The following ITGB5 variants were observed in gnomAD, a reference collection of about 807,000 sequenced individuals.
The protein encoded by ITGB5 is integrin beta-5.
In ITGB5, 38 loss-of-function variants were observed where a neutral mutation model predicts 84.8. That is an observed-to-expected ratio of 0.45 (90% CI 0.35 to 0.59). The LOEUF is 0.59. Among genes scored for constraint, ITGB5 ranks in the 20% least tolerant of loss-of-function variants. The probability of loss-of-function intolerance (pLI) is 0.01; values close to 1 mark genes in which losing one functional copy is unlikely to be tolerated. For synonymous variants in ITGB5, 393 were observed against 414.4 expected (o/e 0.95, Z 0.63); for missense variants, 905 against 1,034.5 (o/e 0.87, Z 1.72).
intron 3 of ITGB5, among the ~76,000 whole-genome samples, chr3:124,855,174 G>A (rs1484688631): frequency 6.6e-6 from 1 of 152,066 alleles, no homozygotes; most frequent in Non-Finnish European, 1.5e-5. Flanking sequence ...TTAGCCAGGT[G>A]TGGTGGTGTG....
chr3:124,789,157 C>T (rs1025445459), intron 10 of ITGB5, among the ~76,000 whole-genome samples: 9 of 152,338 alleles, frequency 5.9e-5, no homozygotes, highest in Middle Eastern at 3.4e-3. Context: ...AACCTGAGCC[C>T]CAAGGACGGC....
intron 2 of ITGB5, among the ~76,000 whole-genome samples, chr3:124,860,101 T>A (rs939158204): frequency 1.3e-5 from 2 of 152,196 alleles, no homozygotes; most frequent in African/African-American, 4.8e-5. Flanking sequence ...ACAGGTCATA[T>A]CCACTGACCC....
chr3:124,794,330 G>A (rs1282890217), intron 10 of ITGB5, among the ~76,000 whole-genome samples: 1 of 152,164 alleles, frequency 6.6e-6, no homozygotes, highest in Non-Finnish European at 1.5e-5. Flanking sequence ...AAACTCCTGT[G>A]TTTAGATTCA....
intron 2 of ITGB5, among the ~76,000 whole-genome samples, chr3:124,871,403 C>T (rs989860297): frequency 1.3e-5 from 2 of 152,136 alleles, no homozygotes; most frequent in Admixed American, 1.3e-4. Flanking sequence ...ACCATATTGG[C>T]CAGGCTGGTC....
At chr3:124,899,104 A>G (rs1014852103) in intron 1 of ITGB5, among the ~76,000 whole-genome samples, 1 of 144,248 alleles carries the variant, frequency 6.9e-6, no homozygotes, top group South Asian at 2.3e-4. Flanking sequence ...AAAAAAGAAA[A>G]GAAGAAAAAA....
At chr3:124,841,305 T>C in intron 5 of ITGB5, 78 bp downstream of exon 5, 7 of 1,421,598 alleles carry the variant, frequency 4.9e-6, no homozygotes, top group Non-Finnish European at 4.8e-6. Context: ...CAAAGACTCC[T>C]GCAGGAAGTA....
chr3:124,828,105 C>T (rs765363301), intron 5 of ITGB5, among the ~76,000 whole-genome samples: 3 of 151,988 alleles, frequency 2.0e-5, no homozygotes, highest in Non-Finnish European at 4.4e-5. Context: ...TTCACAGGGA[C>T]GTGCGTGAAA....
intron 2 of ITGB5, among the ~76,000 whole-genome samples, chr3:124,861,495 T>TATACACACACACACACAC (rs750712591): frequency 3.4e-4 from 38 of 112,004 alleles, no homozygotes; most frequent in African/African-American, 1.4e-3. Context: ...TATATATATA[T>TATACACACACACACACAC]ACACACACAC....
intron 1 of ITGB5, among the ~76,000 whole-genome samples, chr3:124,900,887 T>A (rs1935203314): frequency 6.6e-6 from 1 of 152,230 alleles, no homozygotes; most frequent in South Asian, 2.1e-4. Flanking sequence ...TTATGCACCA[T>A]TAATATGACA....
At chr3:124,806,641 GT>G (rs1408164958) in intron 9 of ITGB5, among the ~76,000 whole-genome samples, 1 of 151,652 alleles carries the variant, frequency 6.6e-6, no homozygotes, top group Non-Finnish European at 1.5e-5. Context: ...GTTTCACCGT[GT>G]TAGCCAGGAT....
At chr3:124,807,148 G>A (rs918871769) in intron 9 of ITGB5, among the ~76,000 whole-genome samples, 6 of 152,198 alleles carry the variant, frequency 3.9e-5, no homozygotes, top group Non-Finnish European at 8.8e-5. Flanking sequence ...AGGCATGGTG[G>A]CTCACACCTA....
At chr3:124,795,620 G>A (rs1461962512) in intron 10 of ITGB5, among the ~76,000 whole-genome samples, 1 of 152,186 alleles carries the variant, frequency 6.6e-6, no homozygotes, top group Non-Finnish European at 1.5e-5. Flanking sequence ...AGTAAGCTGA[G>A]GACCTGGGGA....
rs67873873 is a variant in ITGB5 at position 124,868,618 on chromosome 3, CAAAAAA to C, written c.156+4822_156+4827del. On this transcript the variant is annotated intron_variant, in intron 2 of 14. Transcript: ENST00000296181. ...CAACATAGTGAGACCTGTTCTCTACCAAAAAAAAAAAAAAAAAAAAAAAAATCAAAA... is the reference window on the plus strand; with the variant it reads ...CAACATAGTGAGACCTGTTCTCTACCAAAAAAAAAAAAAAAAAAATCAAAA... Among the ~76,000 whole-genome samples the C allele has an allele frequency of 4.5e-4, 31 of 68,158 alleles. No homozygotes were observed. In the East Asian group the frequency reaches 0.012, roughly 26 times the overall value. 44.7% of individuals were successfully genotyped at this position (68,158 alleles called of 152,430 possible).
chr3:124,803,396 C>T (rs1289877460), intron 9 of ITGB5, among the ~76,000 whole-genome samples: 2 of 152,084 alleles, frequency 1.3e-5, no homozygotes, highest in Non-Finnish European at 2.9e-5. Flanking sequence ...CATAAAATGG[C>T]GAAGGAACAG....
intron 4 of ITGB5, among the ~76,000 whole-genome samples, chr3:124,843,615 C>A (rs986085646): frequency 6.6e-6 from 1 of 152,196 alleles, no homozygotes; most frequent in African/African-American, 2.4e-5. Flanking sequence ...AAGTCAGAGT[C>A]ACTTAGGAAA....
At chr3:124,798,777 G>A (rs1224894925) in intron 9 of ITGB5, among the ~76,000 whole-genome samples, 1 of 152,226 alleles carries the variant, frequency 6.6e-6, no homozygotes. Flanking sequence ...TAAACATACA[G>A]ATCCCTATTA....
At chr3:124,861,706 C>T (rs1167734736) in intron 2 of ITGB5, among the ~76,000 whole-genome samples, 1 of 151,938 alleles carries the variant, frequency 6.6e-6, no homozygotes, top group Non-Finnish European at 1.5e-5. Context: ...GGATTACAGC[C>T]ACGCACCACC....
chr3:124,879,094 T>C (rs115678001), intron 1 of ITGB5, among the ~76,000 whole-genome samples: 1,968 of 152,316 alleles, frequency 0.013, 57 homozygotes, highest in African/African-American at 0.043. Context: ...CCGCATCCGG[T>C]TGATCACTCC....
rs1019200461 is a variant in ITGB5 at position 124,762,216 on chromosome 3, C to G, written c.*1407G>C. The G allele has an allele frequency of 4.6e-5, 7 of 152,166 alleles. No homozygotes were observed. The highest frequency in any genetic ancestry group is 1.7e-4 in the African/African-American group (7 of 41,440). 9.4% of individuals were successfully genotyped at this position (152,166 alleles called of 1,614,324 possible). On this transcript the variant is annotated 3_prime_UTR_variant, in exon 15 of 15. Coordinates refer to ENST00000296181, the MANE Select transcript of ITGB5 (RefSeq NM_002213.5). ...CAAAATGAAGTAAGGGGAATTGGGT[C>G]CAGAGCTGAGGACAGATCCATTTGG...
Sources: allele counts gnomAD v4.1 joint callset (sites outside exome capture counted in the v4.1 genomes callset), GRCh38; gene constraint gnomAD v4.1.1; transcripts MANE v1.5; gene names NCBI Gene and HGNC (gene_info 2026-07-23, HGNC 2026-07-21).